Variants in PDS5B observed in about 807,000 individuals in gnomAD.
The protein encoded by PDS5B is PDS5 cohesin associated factor B, also known as sister chromatid cohesion protein PDS5 homolog B.
PDS5B carries 51 observed loss-of-function variants against 184.1 expected under a neutral mutation model. The ratio of observed to expected loss-of-function variants is 0.28; its 90% CI spans 0.22 to 0.35. PDS5B has a LOEUF of 0.35. Ranked by LOEUF, PDS5B falls within the 10% of genes least tolerant of loss-of-function variation. The pLI, the probability that PDS5B is intolerant of heterozygous loss-of-function variation, is 1.00. For synonymous variants in PDS5B, 566 were observed against 569.2 expected, an observed-to-expected ratio of 0.99 and a Z score of 0.08; for missense variants, 1,180 against 1,723.3, an observed-to-expected ratio of 0.68 and a Z score of 5.58.
intron 1 of PDS5B, among the ~76,000 whole-genome samples, chr13:32,645,630 G>A (rs559818195): frequency 6.6e-6 from 1 of 152,164 alleles, no homozygotes; most frequent in African/African-American, 2.4e-5. Context: ...TCCTACGCTT[G>A]TTTTCTTTTG....
chr13:32,687,091 T>C, intron 11 of PDS5B, 43 bp from the exon 12 acceptor site: 1 of 1,474,102 alleles, frequency 6.8e-7, no homozygotes, highest in Non-Finnish European at 9.2e-7. Context: ...ATTTATATAA[T>C]GGAAGCCTTT....
At chr13:32,685,140 A>G (rs1260397009) in intron 11 of PDS5B, among the ~76,000 whole-genome samples, 1 of 152,102 alleles carries the variant, frequency 6.6e-6, no homozygotes, top group East Asian at 1.9e-4. Flanking sequence ...CGGGTTGATC[A>G]TGCCATCTCC....
chr13:32,713,541 A>T (rs930037069), intron 19 of PDS5B, among the ~76,000 whole-genome samples: 4 of 152,214 alleles, frequency 2.6e-5, no homozygotes, highest in African/African-American at 9.6e-5. Context: ...ATAGAATATA[A>T]TTTAATATAA....
chr13:32,750,821 C>T (rs897158243), intron 24 of PDS5B, among the ~76,000 whole-genome samples: 4 of 150,450 alleles, frequency 2.7e-5, no homozygotes, highest in East Asian at 1.9e-4. Context: ...GAATTTCAGG[C>T]GTGAGCCACT....
At chr13:32,751,023 CACCCTCCT>C (rs1043358265) in intron 24 of PDS5B, among the ~76,000 whole-genome samples, 3 of 152,154 alleles carry the variant, frequency 2.0e-5, no homozygotes, top group African/African-American at 7.2e-5. Context: ...TTTCCATCTT[CACCCTCCT>C]ACCCTCCACC....
chr13:32,590,050 A>T (rs373174589), intron 1 of PDS5B, among the ~76,000 whole-genome samples: 1 of 152,234 alleles, frequency 6.6e-6, no homozygotes, highest in South Asian at 2.1e-4. Flanking sequence ...ACTTAGATGA[A>T]TAAAATTTAT....
chr13:32,757,711 T>TC (rs1443020334), intron 26 of PDS5B, among the ~76,000 whole-genome samples: 1 of 152,218 alleles, frequency 6.6e-6, no homozygotes, highest in African/African-American at 2.4e-5. Flanking sequence ...CTGTAGTCAG[T>TC]CTTGAGTATC....
rs545339129 is a variant in PDS5B, at chr13:32,646,459, T to C, written c.-19-2295T>C. 2.6e-5 allele frequency among the ~76,000 whole-genome samples: 4 copies of C among 151,342 alleles called. No individual in the cohort carries two copies. In the East Asian group the frequency reaches 5.9e-4, roughly 22 times the overall value. Reference sequence around the variant, plus strand: ...AGTGTTGATGGTCATTTGTGTTTTCTGTTTTGGCAACTGAATGGTATTGCT... The same window carrying C: ...AGTGTTGATGGTCATTTGTGTTTTCCGTTTTGGCAACTGAATGGTATTGCT... On this transcript the variant is annotated intron_variant, in intron 1 of 34. Coordinates refer to ENST00000315596, the MANE Select transcript of PDS5B (RefSeq NM_015032.4).
chr13:32,607,372 A>G (rs1566242358), intron 1 of PDS5B, among the ~76,000 whole-genome samples: 1 of 152,246 alleles, frequency 6.6e-6, no homozygotes, highest in Non-Finnish European at 1.5e-5. Flanking sequence ...GCTGCAGAAC[A>G]GCAAATATTG....
At position 32,764,479 on chromosome 13, in the gene PDS5B, G is replaced by C. The variant is rs1025823421; in HGVS notation, c.3519-10G>C. 2.7e-6 allele frequency: 4 copies of C among 1,490,014 alleles called. No individual in the cohort carries two copies. In the Admixed American group the frequency reaches 7.2e-5, roughly 27 times the overall value. 92.3% of individuals were successfully genotyped at this position (1,490,014 alleles called of 1,614,324 possible). A position where few individuals can be genotyped will look rare whatever the true frequency, so the allele number is the denominator to read the frequency against. Reference sequence around the variant, plus strand: ...ATTGTAATAACAATTACAAATGTCTGTATTAAAAGGCTTGATAGTTCTGAA... The same window carrying C: ...ATTGTAATAACAATTACAAATGTCTCTATTAAAAGGCTTGATAGTTCTGAA... On this transcript the variant is annotated splice_polypyrimidine_tract_variant and intron_variant, in intron 30 of 34. Coordinates refer to ENST00000315596, the MANE Select transcript of PDS5B (RefSeq NM_015032.4).
At chr13:32,620,897 T>G (rs2058291429) in intron 1 of PDS5B, among the ~76,000 whole-genome samples, 1 of 152,210 alleles carries the variant, frequency 6.6e-6, no homozygotes, top group Non-Finnish European at 1.5e-5. Context: ...ATTTTTCTGA[T>G]AATAAACCAA....
At chr13:32,633,488 A>AG (rs373726736) in intron 1 of PDS5B, among the ~76,000 whole-genome samples, 311 of 152,354 alleles carry the variant, frequency 2.0e-3, no homozygotes, top group African/African-American at 7.3e-3. Flanking sequence ...GATTTTAGCC[A>AG]GGAAGCATAT....
intron 11 of PDS5B, among the ~76,000 whole-genome samples, chr13:32,686,022 C>T (rs1296356063): frequency 1.3e-5 from 2 of 152,040 alleles, no homozygotes; most frequent in East Asian, 1.9e-4. Flanking sequence ...TCTTAATATA[C>T]TGTAATTAAG....
In PDS5B at chr13:32,755,828, G is replaced by GT. The variant is rs1954158775; in HGVS notation, c.2942-10dup. 2 of 1,067,772 alleles carry GT rather than the reference G, an allele frequency of 1.9e-6. No homozygotes were observed. Among genetic ancestry groups the GT allele is most frequent in the East Asian group, 5.3e-5 (2 of 37,964 alleles). 66.1% of individuals were successfully genotyped at this position (1,067,772 alleles called of 1,614,324 possible). On this transcript the variant is annotated splice_polypyrimidine_tract_variant and intron_variant, in intron 25 of 34. Transcript: ENST00000315596. ...TTTGTTTTTTTTTGTTTGTTTGTTTGTTTTCTTTTTCAGAAAAATTATTGT... is the reference window on the plus strand; with the variant it reads ...TTTGTTTTTTTTTGTTTGTTTGTTTGTTTTTCTTTTTCAGAAAAATTATTGT...
chr13:32,638,506 A>G (rs1213013656), intron 1 of PDS5B, among the ~76,000 whole-genome samples: 2 of 152,196 alleles, frequency 1.3e-5, no homozygotes, highest in Non-Finnish European at 2.9e-5. Flanking sequence ...TTACTCTTTG[A>G]GAAGCTTGTC....
chr13:32,745,318 A>G (rs534235791), intron 23 of PDS5B, among the ~76,000 whole-genome samples: 1 of 152,370 alleles, frequency 6.6e-6, no homozygotes, highest in South Asian at 2.1e-4. Context: ...TAGAATATGT[A>G]AAACCTAACA....
intron 31 of PDS5B, among the ~76,000 whole-genome samples, chr13:32,767,284 A>G (rs1954615117): frequency 6.6e-6 from 1 of 152,184 alleles, no homozygotes. Flanking sequence ...TGTCTATTTT[A>G]AATCAGTAGT....
intron 24 of PDS5B, among the ~76,000 whole-genome samples, chr13:32,746,391 T>C (rs1169282176): frequency 2.0e-5 from 3 of 152,208 alleles, no homozygotes; most frequent in African/African-American, 7.2e-5. Context: ...ACAGAATAGA[T>C]TCCTTCAAGC....
intron 1 of PDS5B, among the ~76,000 whole-genome samples, chr13:32,630,845 C>T (rs1044583543): frequency 4.7e-5 from 7 of 149,200 alleles, no homozygotes; most frequent in South Asian, 2.1e-4. Flanking sequence ...AGTGCAGTGG[C>T]GCCATCTCGG....
Sources: allele counts gnomAD v4.1 joint callset (sites outside exome capture counted in the v4.1 genomes callset), GRCh38; gene constraint gnomAD v4.1.1; transcripts MANE v1.5; gene names NCBI Gene and HGNC (gene_info 2026-07-23, HGNC 2026-07-21).